EPB41L4A: variants seen among roughly 807,000 people sequenced by gnomAD.
The protein encoded by EPB41L4A is erythrocyte membrane protein band 4.1 like 4A, also known as band 4.1-like protein 4A.
In EPB41L4A, 100 loss-of-function variants were observed where a neutral mutation model predicts 108.6. The ratio of observed to expected loss-of-function variants is 0.92; its 90% CI spans 0.78 to 1.09. The LOEUF (loss-of-function observed/expected upper bound fraction) is 1.09, where lower values mean the gene tolerates loss of function less well. EPB41L4A is among the 50% of genes least tolerant of loss of function. The probability of loss-of-function intolerance (pLI) is 0.00; values close to 1 mark genes in which losing one functional copy is unlikely to be tolerated. For missense variants in EPB41L4A, 1,030 were observed against 842.7 expected (o/e 1.22, Z -2.75); for synonymous variants, 319 against 289.0 (o/e 1.10, Z -1.05).
chr5:112,257,905 C>G (rs1248397446), intron 9 of EPB41L4A, among the ~76,000 whole-genome samples: 1 of 152,194 alleles, frequency 6.6e-6, no homozygotes, highest in Non-Finnish European at 1.5e-5. Flanking sequence ...ATTAGCTACT[C>G]TACTTTTTGC....
intron 1 of EPB41L4A, among the ~76,000 whole-genome samples, chr5:112,336,033 C>T (rs1354931248): frequency 1.3e-5 from 2 of 152,148 alleles, no homozygotes; most frequent in Admixed American, 6.5e-5. Flanking sequence ...TGATTCCCTA[C>T]ACCAGGCAAG....
rs910196156 is a variant in EPB41L4A at position 112,164,012 on chromosome 5, A to C, written c.*978T>G. The C allele has an allele frequency of 6.6e-6, 1 of 152,222 alleles. No homozygotes were observed. Among genetic ancestry groups the C allele is most frequent in the Non-Finnish European group, 1.5e-5 (1 of 68,062 alleles). 9.4% of individuals were successfully genotyped at this position (152,222 alleles called of 1,614,324 possible). ...TAAGTATTTTCCCTGTAGATTGCAA[A>C]GTCATCTATGGAGAGGAAAGGTACA... On this transcript the variant is annotated 3_prime_UTR_variant, in exon 23 of 23. Transcript: ENST00000261486.
intron 1 of EPB41L4A, among the ~76,000 whole-genome samples, chr5:112,355,755 G>A (rs1478442085): frequency 3.1e-4 from 47 of 152,170 alleles, no homozygotes; most frequent in Admixed American, 3.1e-3. Context: ...TATACTGAGA[G>A]ATCTTAGAAC....
intron 1 of EPB41L4A, among the ~76,000 whole-genome samples, chr5:112,312,468 C>T (rs368572839): frequency 1.4e-3 from 217 of 152,278 alleles, no homozygotes; most frequent in African/African-American, 4.8e-3. Flanking sequence ...TATGACATCT[C>T]GTGATTCCCT....
chr5:112,337,566 A>C (rs1757001404), intron 1 of EPB41L4A, among the ~76,000 whole-genome samples: 1 of 152,212 alleles, frequency 6.6e-6, no homozygotes, highest in African/African-American at 2.4e-5. Flanking sequence ...GGCTCAGAGA[A>C]GCAAAGTGAT....
chr5:112,387,721 A>T (rs1760658287), intron 1 of EPB41L4A, among the ~76,000 whole-genome samples: 1 of 152,242 alleles, frequency 6.6e-6, no homozygotes, highest in Non-Finnish European at 1.5e-5. Flanking sequence ...AGACCTCCAA[A>T]GTGCAGAGTT....
chr5:112,255,950 T>C (rs1380743296), intron 9 of EPB41L4A, among the ~76,000 whole-genome samples: 1 of 152,132 alleles, frequency 6.6e-6, no homozygotes, highest in Non-Finnish European at 1.5e-5. Flanking sequence ...TTATACCTCC[T>C]GCTTCTCAGG....
chr5:112,145,487 A>G (rs201718223), intron 13 of EPB41L4A, among the ~76,000 whole-genome samples: 2 of 152,214 alleles, frequency 1.3e-5, no homozygotes, highest in African/African-American at 4.8e-5. Context: ...AACTCTGCTG[A>G]CAGCCATTGT....
At position 112,234,561 on chromosome 5, in the gene EPB41L4A, C is replaced by A. The variant is rs199914439; in HGVS notation, c.1087+73G>T. ...AAGACTGTAGAGTTATAGACATCAC[C>A]TGAGTATATCTTACACTACCAGCCT... is the stretch of plus-strand genomic sequence containing the variant. On this transcript the variant is annotated intron_variant, in intron 12 of 22. Transcript: ENST00000261486. The A allele has an allele frequency of 1.5e-4, 218 of 1,449,670 alleles. No homozygotes were observed. The Middle Eastern group carries it at 2.7e-3, about 18-fold the overall frequency. The allele number at this position is 1,449,670 out of a possible 1,614,324, so 89.8% of individuals were successfully genotyped here.
At chr5:112,180,655 A>AT (rs1554073397) in intron 18 of EPB41L4A, among the ~76,000 whole-genome samples, 3 of 97,180 alleles carry the variant, frequency 3.1e-5, no homozygotes, top group Admixed American at 1.3e-4. Context: ...ACCCCTTAAG[A>AT]TTAAAAAAAA....
intron 9 of EPB41L4A, among the ~76,000 whole-genome samples, chr5:112,258,451 A>G (rs1396646929): frequency 6.6e-6 from 1 of 152,248 alleles, no homozygotes; most frequent in Non-Finnish European, 1.5e-5. Flanking sequence ...AAGACAGAAG[A>G]GTAGATTCTC....
chr5:112,362,713 A>G (rs1441258832), intron 1 of EPB41L4A, among the ~76,000 whole-genome samples: 1 of 152,232 alleles, frequency 6.6e-6, no homozygotes, highest in East Asian at 1.9e-4. Context: ...CTTCTGTGCC[A>G]AACTGAAGTT....
chr5:112,185,494 G>A (rs2150239771), intron 17 of EPB41L4A, among the ~76,000 whole-genome samples: 2 of 152,308 alleles, frequency 1.3e-5, no homozygotes. Context: ...GGAAGAAACT[G>A]TTTAAATCTC....
At chr5:112,355,631 T>C (rs1481867098) in intron 1 of EPB41L4A, among the ~76,000 whole-genome samples, 2 of 152,168 alleles carry the variant, frequency 1.3e-5, no homozygotes, top group African/African-American at 2.4e-5. Context: ...CCTCTCCCGA[T>C]ACAACCACAA....
downstream of EPB41L4A, among the ~76,000 whole-genome samples, chr5:112,160,357 A>G (rs993165035): frequency 5.9e-5 from 9 of 152,072 alleles, no homozygotes; most frequent in Non-Finnish European, 1.2e-4. Context: ...ATCCGGGCTC[A>G]CTTGGTCAGT....
intron 15 of EPB41L4A, chr5:112,196,755 G>T (rs190654226): frequency 2.6e-5 from 4 of 152,208 alleles, no homozygotes; most frequent in Non-Finnish European, 5.9e-5. Context: ...ACACAAAAGC[G>T]GTGTATTACA....
At chr5:112,259,378 G>T in intron 8 of EPB41L4A, 86 bp from the exon 9 acceptor site, 1 of 1,032,890 alleles carries the variant, frequency 9.7e-7, no homozygotes, top group Non-Finnish European at 1.5e-6. Context: ...GAAAAAGACT[G>T]GTGAATACTG....
rs569649540 is a variant in EPB41L4A at position 112,379,245 on chromosome 5, C to T, written c.99+39696G>A. On this transcript the variant is annotated intron_variant, in intron 1 of 22. Coordinates refer to ENST00000261486, the MANE Select transcript of EPB41L4A (RefSeq NM_022140.5). The stretch of plus-strand genomic sequence containing the variant: ...AATTAATAACTGCAAGTTTTTTAAA[C>T]GCTTCCTTTTATGTACTAAACCTAT... Among the ~76,000 whole-genome samples, 147 of 152,098 alleles carry T rather than the reference C, an allele frequency of 9.7e-4. 2 individuals carry two copies. The highest frequency in any genetic ancestry group is 1.6e-3 in the Non-Finnish European group (107 of 68,010).
At chr5:112,376,746 C>A (rs1446715090) in intron 1 of EPB41L4A, among the ~76,000 whole-genome samples, 1 of 152,134 alleles carries the variant, frequency 6.6e-6, no homozygotes, top group Non-Finnish European at 1.5e-5. Flanking sequence ...GAACTGCTGA[C>A]ACATGGAACC....
Sources: gnomAD v4.1 joint callset for allele counts (sites outside exome capture counted in the v4.1 genomes callset) on GRCh38, gnomAD v4.1.1 for gene constraint, MANE v1.5 for transcripts, NCBI Gene and HGNC (gene_info 2026-07-23, HGNC 2026-07-21) for gene names.